The following MIPOL1 variants were observed in gnomAD, a reference collection of about 807,000 sequenced individuals.
MIPOL1 encodes the protein mirror-image polydactyly 1.
MIPOL1 carries 57 observed loss-of-function variants against 60.9 expected under a neutral mutation model. The ratio of observed to expected loss-of-function variants is 0.94; its 90% CI spans 0.76 to 1.17. The LOEUF is 1.17. MIPOL1 is among the 50% of genes most tolerant of loss of function. The pLI, the probability that MIPOL1 is intolerant of heterozygous loss-of-function variation, is 0.00. For missense variants in MIPOL1, 551 were observed against 511.6 expected, an observed-to-expected ratio of 1.08 and a Z score of -0.74; for synonymous variants, 179 against 168.8, an observed-to-expected ratio of 1.06 and a Z score of -0.47.
chr14:37,318,991 A>G (rs192781383), intron 9 of MIPOL1, among the ~76,000 whole-genome samples: 218 of 152,036 alleles, frequency 1.4e-3, no homozygotes, highest in African/African-American at 4.9e-3. Context: ...GGCACACACT[A>G]CCATGCTAGT....
chr14:37,307,925 T>C (rs2086923860), intron 7 of MIPOL1, 131 bp from the exon 8 acceptor site: 2 of 708,902 alleles, frequency 2.8e-6, no homozygotes, highest in Non-Finnish European at 4.9e-6. Flanking sequence ...TTTAATATGT[T>C]CAGTGTCATG....
rs184096058 is a variant in MIPOL1, at chr14:37,368,440, C to G, written c.829-1077C>G. Among the ~76,000 whole-genome samples the G allele has an allele frequency of 2.4e-4, 37 of 152,118 alleles. 1 individual carries two copies. The East Asian group carries it at 5.4e-3, about 22-fold the overall frequency. On this transcript the variant is annotated intron_variant, in intron 9 of 12. Transcript: ENST00000684589. Reference sequence around the variant, plus strand: ...AAGAAATCAGAGTAGTAAGAAATGTCATTTTGGATGATAGCTGCGTCATGA... The same window carrying G: ...AAGAAATCAGAGTAGTAAGAAATGTGATTTTGGATGATAGCTGCGTCATGA...
intron 11 of MIPOL1, among the ~76,000 whole-genome samples, chr14:37,473,095 G>T (rs567588406): frequency 1.3e-5 from 2 of 152,268 alleles, no homozygotes; most frequent in Admixed American, 1.3e-4. Context: ...TGGGGTTATG[G>T]GAGCAGATCC....
chr14:37,294,964 A>G (rs1189206502), intron 7 of MIPOL1, among the ~76,000 whole-genome samples: 3 of 152,166 alleles, frequency 2.0e-5, no homozygotes, highest in Non-Finnish European at 4.4e-5. Flanking sequence ...CACCACAAAG[A>G]TACTCCTCAA....
intron 10 of MIPOL1, among the ~76,000 whole-genome samples, chr14:37,414,235 G>T (rs950531589): frequency 8.6e-5 from 13 of 151,888 alleles, no homozygotes; most frequent in African/African-American, 3.1e-4. Flanking sequence ...TTCATAATAG[G>T]CCATCCATTA....
At chr14:37,204,641 C>G (rs10146093) in intron 1 of MIPOL1, among the ~76,000 whole-genome samples, 1 of 152,056 alleles carries the variant, frequency 6.6e-6, no homozygotes, top group Admixed American at 6.6e-5. Flanking sequence ...TCCCAAGCCA[C>G]GTGGAACTGC....
chr14:37,247,929 A>G (rs753303908), intron 3 of MIPOL1, 22 bp downstream of exon 3: 6 of 1,611,416 alleles, frequency 3.7e-6, no homozygotes, highest in Non-Finnish European at 5.1e-6. Flanking sequence ...TAAGGTATTA[A>G]TACCAAGCCC....
At chr14:37,278,098 A>G (rs916988157) in intron 6 of MIPOL1, 1 of 151,620 alleles carries the variant, frequency 6.6e-6, no homozygotes, top group Non-Finnish European at 1.5e-5. Context: ...AAAATGTTGC[A>G]AAGTCCAGTT....
At chr14:37,478,914 G>T (rs893101501) in intron 11 of MIPOL1, among the ~76,000 whole-genome samples, 10 of 151,588 alleles carry the variant, frequency 6.6e-5, no homozygotes, top group African/African-American at 2.4e-4. Flanking sequence ...AAGACAAAGA[G>T]GACATTATAT....
At chr14:37,485,786 G>A (rs1469844597) in intron 11 of MIPOL1, among the ~76,000 whole-genome samples, 1 of 152,112 alleles carries the variant, frequency 6.6e-6, no homozygotes, top group South Asian at 2.1e-4. Flanking sequence ...TAGATTGCCT[G>A]TTTATTCTGA....
rs1005380783 is a variant in MIPOL1 at position 37,298,032 on chromosome 14, G to A, written c.624-10024G>A. 7.2e-5 allele frequency among the ~76,000 whole-genome samples: 11 copies of A among 152,216 alleles called. No individual in the cohort carries two copies. In the East Asian group the frequency reaches 1.2e-3, roughly 16 times the overall value. ...AAAAGAACAAAGCTGGAGGCATCAT[G>A]CTACCTGACTTCAAACTATACTACA... On this transcript the variant is annotated intron_variant, in intron 7 of 12. Coordinates refer to ENST00000684589, the MANE Select transcript of MIPOL1 (RefSeq NM_001388067.1).
intron 10 of MIPOL1, among the ~76,000 whole-genome samples, chr14:37,382,959 T>C (rs991590327): frequency 2.0e-5 from 3 of 151,812 alleles, no homozygotes; most frequent in Non-Finnish European, 4.4e-5. Context: ...TTTTATTCTT[T>C]TGTATTTATA....
At chr14:37,371,079 T>C (rs752042395) in intron 10 of MIPOL1, among the ~76,000 whole-genome samples, 23 of 152,116 alleles carry the variant, frequency 1.5e-4, no homozygotes, top group Non-Finnish European at 2.8e-4. Context: ...TTTAATGAAA[T>C]GATAGCTGCT....
At chr14:37,440,569 T>C (rs2153565939) in intron 11 of MIPOL1, among the ~76,000 whole-genome samples, 1 of 152,314 alleles carries the variant, frequency 6.6e-6, no homozygotes, top group South Asian at 2.1e-4. Flanking sequence ...AGATAATGAC[T>C]TCCGGTTCCA....
In MIPOL1 at chr14:37,519,669, G is replaced by GA. The variant is rs994345109; in HGVS notation, c.1262+19539dup. On this transcript the variant is annotated intron_variant, in intron 12 of 12. Transcript: ENST00000684589. ...AGATGAAAAAGACACTGTTACAGGG[G>GA]AAAAAAAAGACTGTTACAGGGGAAC... 1.5e-4 allele frequency among the ~76,000 whole-genome samples: 22 copies of GA among 151,302 alleles called. No homozygotes were observed. The South Asian group carries it at 1.5e-3, about 10-fold the overall frequency.
intron 11 of MIPOL1, among the ~76,000 whole-genome samples, chr14:37,427,952 T>C: frequency 6.6e-6 from 1 of 152,200 alleles, no homozygotes; most frequent in Non-Finnish European, 1.5e-5. Flanking sequence ...AATGGATAGA[T>C]AGAACTCATA....
intron 1 of MIPOL1, among the ~76,000 whole-genome samples, chr14:37,202,677 T>G (rs548073540): frequency 1.3e-5 from 2 of 152,314 alleles, no homozygotes; most frequent in Admixed American, 6.5e-5. Context: ...TAGGTGATGC[T>G]TTCATATTAG....
intron 10 of MIPOL1, among the ~76,000 whole-genome samples, chr14:37,406,244 A>G (rs115860770): frequency 6.6e-6 from 1 of 152,146 alleles, no homozygotes. Context: ...TTGAAATGGT[A>G]TAGAAGAAAT....
At chr14:37,365,885 A>G (rs541196324) in intron 9 of MIPOL1, among the ~76,000 whole-genome samples, 1 of 152,008 alleles carries the variant, frequency 6.6e-6, no homozygotes, top group South Asian at 2.1e-4. Flanking sequence ...CGATTTCTTT[A>G]CTTGCTCTTG....
Sources: gnomAD v4.1 joint callset for allele counts (sites outside exome capture counted in the v4.1 genomes callset) on GRCh38, gnomAD v4.1.1 for gene constraint, MANE v1.5 for transcripts, NCBI Gene and HGNC (gene_info 2026-07-23, HGNC 2026-07-21) for gene names.